MAML2: variants seen among roughly 807,000 people sequenced by gnomAD.
The protein encoded by MAML2 is mastermind-like protein 2.
MAML2 carries 22 observed loss-of-function variants against 96.1 expected under a neutral mutation model. The ratio of observed to expected loss-of-function variants is 0.23; its 90% confidence interval spans 0.16 to 0.33. MAML2 has a LOEUF of 0.33. Among genes scored for constraint, MAML2 ranks in the 10% least tolerant of loss-of-function variants. The pLI, the probability that MAML2 is intolerant of heterozygous loss-of-function variation, is 1.00. For missense variants in MAML2, 1,367 were observed against 1,392.4 expected, an observed-to-expected ratio of 0.98 and a Z score of 0.29; for synonymous variants, 561 against 521.3, an observed-to-expected ratio of 1.08 and a Z score of -1.04.
chr11:96,058,413 G>A (rs996287284), intron 2 of MAML2, among the ~76,000 whole-genome samples: 1 of 152,112 alleles, frequency 6.6e-6, no homozygotes, highest in Non-Finnish European at 1.5e-5. Flanking sequence ...TCTGCCTCTC[G>A]AGTTCAAGTG....
chr11:96,072,500 C>T (rs111345814), intron 2 of MAML2, among the ~76,000 whole-genome samples: 5 of 152,260 alleles, frequency 3.3e-5, no homozygotes, highest in African/African-American at 7.2e-5. Context: ...TTACTAGAAA[C>T]GTCTCTAAGA....
chr11:96,267,646 T>A, intron 1 of MAML2, among the ~76,000 whole-genome samples: 1 of 152,138 alleles, frequency 6.6e-6, no homozygotes, highest in South Asian at 2.1e-4. Context: ...TATGTAGGGG[T>A]AACCATTGGC....
At chr11:96,180,176 T>A (rs751477461) in intron 1 of MAML2, among the ~76,000 whole-genome samples, 3 of 152,038 alleles carry the variant, frequency 2.0e-5, no homozygotes, top group African/African-American at 4.8e-5. Context: ...AAAAGGCTGC[T>A]GTAAGTTTGT....
intron 2 of MAML2, among the ~76,000 whole-genome samples, chr11:96,002,913 T>C (rs1383569695): frequency 7.1e-6 from 1 of 140,732 alleles, no homozygotes; most frequent in Admixed American, 7.2e-5. Flanking sequence ...ATGAGAAAGA[T>C]GATGGGGATA....
intron 2 of MAML2, among the ~76,000 whole-genome samples, chr11:96,006,082 C>A (rs988454210): frequency 6.6e-6 from 1 of 152,050 alleles, no homozygotes; most frequent in African/African-American, 2.4e-5. Context: ...TTATAATGGA[C>A]AGAAAGGACA....
chr11:96,272,380 G>C (rs1299287699), intron 1 of MAML2, among the ~76,000 whole-genome samples: 1 of 152,134 alleles, frequency 6.6e-6, no homozygotes, highest in East Asian at 1.9e-4. Flanking sequence ...TCCAGGTTAA[G>C]GGCTTCTGTG....
chr11:96,208,059 G>A lies in MAML2; in HGVS notation c.514-114542C>T, dbSNP rs144228675. 3.7e-3 allele frequency among the ~76,000 whole-genome samples: 566 copies of A among 152,114 alleles called. 15 individuals are homozygous for A. Among genetic ancestry groups the A allele is most frequent in the East Asian group, 0.026 (133 of 5,172 alleles). ...TGGAACAAACTCTTCTTAGCAACAG[G>A]CCACATTTTTTGCTGCAGTGATTTT... is the stretch of plus-strand genomic sequence containing the variant. On this transcript the variant is annotated intron_variant, in intron 1 of 4. Coordinates refer to ENST00000524717, the MANE Select transcript of MAML2 (RefSeq NM_032427.4).
intron 1 of MAML2, among the ~76,000 whole-genome samples, chr11:96,300,307 G>A (rs938060594): frequency 6.6e-6 from 1 of 152,168 alleles, no homozygotes; most frequent in Admixed American, 6.5e-5. Context: ...GGCAGGAGTT[G>A]GGAAGATGAG....
intron 1 of MAML2, among the ~76,000 whole-genome samples, chr11:96,156,149 T>A (rs772153919): frequency 6.6e-6 from 1 of 152,166 alleles, no homozygotes; most frequent in African/African-American, 2.4e-5. Context: ...TCTGTCCACA[T>A]GGTCAGACTC....
At chr11:96,068,672 C>CA (rs1255585703) in intron 2 of MAML2, among the ~76,000 whole-genome samples, 7 of 151,412 alleles carry the variant, frequency 4.6e-5, no homozygotes, top group South Asian at 2.1e-4. Context: ...ACTAAAAATA[C>CA]AAAAAAAATT....
At chr11:96,001,333 G>A (rs969743779) in intron 2 of MAML2, among the ~76,000 whole-genome samples, 1 of 152,148 alleles carries the variant, frequency 6.6e-6, no homozygotes, top group Admixed American at 6.6e-5. Flanking sequence ...TGGTAACTCA[G>A]GGGAAGGAAT....
intron 1 of MAML2, among the ~76,000 whole-genome samples, chr11:96,225,908 T>G (rs1300313677): frequency 1.3e-5 from 2 of 152,210 alleles, no homozygotes; most frequent in African/African-American, 4.8e-5. Flanking sequence ...TATTCATAGT[T>G]TTAAATCTAT....
chr11:96,090,482 C>A (rs1859685832), intron 2 of MAML2, among the ~76,000 whole-genome samples: 1 of 152,172 alleles, frequency 6.6e-6, no homozygotes, highest in African/African-American at 2.4e-5. Flanking sequence ...TGAGGTGACA[C>A]AGCTAAGACT....
chr11:96,341,329 C>T (rs1863988921), intron 1 of MAML2, 54 bp downstream of exon 1: 1 of 1,470,188 alleles, frequency 6.8e-7, no homozygotes. Context: ...AAACTCTACC[C>T]TCACAAAAGG....
intron 2 of MAML2, among the ~76,000 whole-genome samples, chr11:96,048,973 T>C (rs1858949563): frequency 6.6e-6 from 1 of 152,242 alleles, no homozygotes; most frequent in African/African-American, 2.4e-5. Flanking sequence ...TGTGTTCAAG[T>C]ACATTATAAG....
At chr11:96,309,770 T>G (rs1423673334) in intron 1 of MAML2, among the ~76,000 whole-genome samples, 3 of 151,348 alleles carry the variant, frequency 2.0e-5, no homozygotes, top group Non-Finnish European at 4.4e-5. Flanking sequence ...CAGTCACGGC[T>G]TACTGAGGTC....
intron 2 of MAML2, among the ~76,000 whole-genome samples, chr11:96,027,077 G>A (rs1240926522): frequency 6.6e-6 from 1 of 152,146 alleles, no homozygotes; most frequent in East Asian, 1.9e-4. Context: ...TGCCTCTGGA[G>A]TTTCTAGCTA....
At chr11:96,082,672 T>A (rs971735080) in intron 2 of MAML2, among the ~76,000 whole-genome samples, 1 of 152,244 alleles carries the variant, frequency 6.6e-6, no homozygotes, top group Non-Finnish European at 1.5e-5. Context: ...CGCCAGTTAC[T>A]GGCCTCATCC....
intron 2 of MAML2, among the ~76,000 whole-genome samples, chr11:96,039,963 CAAA>C (rs67545681): frequency 2.6e-4 from 27 of 104,550 alleles, no homozygotes; most frequent in East Asian, 2.5e-4. Flanking sequence ...GACTCTGTCT[CAAA>C]AAAAAAAAAA....
Sources: allele counts gnomAD v4.1 joint callset (sites outside exome capture counted in the v4.1 genomes callset), GRCh38; gene constraint gnomAD v4.1.1; transcripts MANE v1.5; gene names NCBI Gene and HGNC (gene_info 2026-07-23, HGNC 2026-07-21).